Variants in ABI3BP observed in about 807,000 individuals in gnomAD.
The protein encoded by ABI3BP is ABI family member 3 binding protein, also known as target of Nesh-SH3.
Under a neutral mutation model 268.6 loss-of-function variants are expected in ABI3BP, and 216 were observed. That is an observed-to-expected ratio of 0.80 (90% CI 0.72 to 0.90). The LOEUF is 0.90. Among genes scored for constraint, ABI3BP ranks in the 40% least tolerant of loss-of-function variants. The probability of loss-of-function intolerance (pLI) is 0.00; values close to 1 mark genes in which losing one functional copy is unlikely to be tolerated. For synonymous variants in ABI3BP, 730 were observed against 730.0 expected (o/e 1.00, Z 0.00); for missense variants, 2,090 against 2,182.4 (o/e 0.96, Z 0.84).
intron 1 of ABI3BP, among the ~76,000 whole-genome samples, chr3:100,952,256 A>G (rs1230825510): frequency 5.3e-5 from 8 of 152,204 alleles, no homozygotes; most frequent in Admixed American, 1.3e-4. Context: ...GTTAATAACA[A>G]TTCAAGTATA....
At chr3:100,823,024 C>T (rs1333002056) in intron 37 of ABI3BP, among the ~76,000 whole-genome samples, 1 of 151,964 alleles carries the variant, frequency 6.6e-6, no homozygotes, top group Non-Finnish European at 1.5e-5. Context: ...GGCACATATT[C>T]TATAGAGCTC....
chr3:100,804,593 T>C (rs1290233371), intron 51 of ABI3BP, among the ~76,000 whole-genome samples, 199 bp downstream of exon 51: 2 of 152,146 alleles, frequency 1.3e-5, no homozygotes, highest in African/African-American at 2.4e-5. Context: ...TCTCTGCCTT[T>C]TGACTGTGAT....
At chr3:100,784,318 C>T (rs1263283875) in intron 57 of ABI3BP, among the ~76,000 whole-genome samples, 2 of 152,008 alleles carry the variant, frequency 1.3e-5, no homozygotes, top group African/African-American at 4.8e-5. Flanking sequence ...AAATTAAAAC[C>T]ACAATGAGAT....
intron 52 of ABI3BP, among the ~76,000 whole-genome samples, 172 bp downstream of exon 52, chr3:100,796,237 A>G (rs1189928774): frequency 2.0e-5 from 3 of 152,148 alleles, no homozygotes; most frequent in Non-Finnish European, 4.4e-5. Context: ...TTCACCAAGG[A>G]AAAATATTTC....
chr3:100,782,456 G>A (rs1247401857), intron 57 of ABI3BP, among the ~76,000 whole-genome samples: 1 of 152,076 alleles, frequency 6.6e-6, no homozygotes, highest in African/African-American at 2.4e-5. Context: ...AAATCAAATA[G>A]AGAAGCAGCT....
chr3:100,850,227 G>T, intron 16 of ABI3BP, 108 bp from the exon 17 acceptor site: 1 of 914,286 alleles, frequency 1.1e-6, no homozygotes, highest in Non-Finnish European at 1.7e-6. Context: ...ACGAGTACAT[G>T]ATTAAAGATG....
At chr3:100,866,482 T>C (rs1393558528) in intron 10 of ABI3BP, among the ~76,000 whole-genome samples, 2 of 152,320 alleles carry the variant, frequency 1.3e-5, no homozygotes, top group East Asian at 1.9e-4. Context: ...TCATAGATAT[T>C]AAGCTATGGA....
At chr3:100,870,399 C>T (rs1181623018) in intron 9 of ABI3BP, among the ~76,000 whole-genome samples, 2 of 151,950 alleles carry the variant, frequency 1.3e-5, no homozygotes, top group Non-Finnish European at 2.9e-5. Context: ...ATAGACATTT[C>T]TCCAAAGAAG....
At chr3:100,828,343 T>C (rs1407114980) in intron 34 of ABI3BP, 50 bp downstream of exon 34, 3 of 1,473,042 alleles carry the variant, frequency 2.0e-6, no homozygotes, top group Admixed American at 4.0e-5. Flanking sequence ...TGGAATAAGC[T>C]TGACAGTGAG....
chr3:100,871,926 T>A (rs2099113986), intron 9 of ABI3BP, among the ~76,000 whole-genome samples: 1 of 152,224 alleles, frequency 6.6e-6, no homozygotes, highest in South Asian at 2.1e-4. Context: ...AACCTCAAAC[T>A]CATGGGTTTC....
chr3:100,880,831 AT>A (rs1332754659), intron 6 of ABI3BP, among the ~76,000 whole-genome samples: 6 of 152,120 alleles, frequency 3.9e-5, no homozygotes, highest in African/African-American at 1.4e-4. Context: ...TAAGGATGTT[AT>A]TTTTTGTAGG....
rs1439996203 is a variant in ABI3BP, at chr3:100,817,461, T to C, written c.3123A>G (p.Arg1041=). The C allele has an allele frequency of 3.3e-6, 5 of 1,511,662 alleles. No homozygotes were observed. The Admixed American group carries it at 8.0e-5, about 24-fold the overall frequency. The allele number at this position is 1,511,662 out of a possible 1,614,324, so 93.6% of individuals were successfully genotyped here. A position where few individuals can be genotyped will look rare whatever the true frequency, so the allele number is the denominator to read the frequency against. Reference sequence around the variant, plus strand: ...CTAACGTTGTTTCTGGAAACTTGGTTCTAAAAGTGTCAGGTTCAAGGACTG... The same window carrying C: ...CTAACGTTGTTTCTGGAAACTTGGTCCTAAAAGTGTCAGGTTCAAGGACTG... ...VTTVLEPDTF[R]TKFPETTLAP... Residue 1041 remains arginine (R), a synonymous_variant, in exon 42 of 68, where the codon AGA becomes AGG. Transcript: ENST00000471714.
chr3:100,935,393 G>C (rs2065621581), intron 1 of ABI3BP, among the ~76,000 whole-genome samples: 1 of 152,136 alleles, frequency 6.6e-6, no homozygotes, highest in Admixed American at 6.6e-5. Flanking sequence ...TTTTAGTATA[G>C]TTTGAAGTCA....
At chr3:100,765,336 C>G (rs1032378857) in intron 63 of ABI3BP, among the ~76,000 whole-genome samples, 57 of 152,256 alleles carry the variant, frequency 3.7e-4, no homozygotes, top group Middle Eastern at 3.4e-3. Flanking sequence ...TGTCAAAACC[C>G]TATTTCATTT....
chr3:100,936,527 T>C (rs1332348738), intron 1 of ABI3BP, among the ~76,000 whole-genome samples: 1 of 152,146 alleles, frequency 6.6e-6, no homozygotes, highest in Non-Finnish European at 1.5e-5. Flanking sequence ...TTTTTTATTG[T>C]TTTGAAGAGT....
Position 100,774,490 on chromosome 3 carries a change from C to A in ABI3BP, c.4531+115G>T, listed in dbSNP as rs1010735344. 5.9e-5 allele frequency: 45 copies of A among 767,352 alleles called. 1 individual carries two copies. The Middle Eastern group carries it at 1.3e-3, about 23-fold the overall frequency. 47.5% of individuals were successfully genotyped at this position (767,352 alleles called of 1,614,324 possible). Reference sequence around the variant, plus strand: ...TGCAGACACCCATGAAAAATAAAACCTTATTATTATAATAGGCTACTAAGA... The same window carrying A: ...TGCAGACACCCATGAAAAATAAAACATTATTATTATAATAGGCTACTAAGA... On this transcript the variant is annotated intron_variant, in intron 61 of 67. Transcript: ENST00000471714.
intron 1 of ABI3BP, among the ~76,000 whole-genome samples, chr3:100,943,270 A>T (rs530359940): frequency 1.3e-5 from 2 of 152,222 alleles, no homozygotes; most frequent in East Asian, 3.9e-4. Flanking sequence ...CCGTCTCTCC[A>T]TCCCTCTGTC....
At chr3:100,823,357 A>G (rs940151195) in intron 37 of ABI3BP, 101 bp downstream of exon 37, 51 of 976,064 alleles carry the variant, frequency 5.2e-5, no homozygotes, top group Non-Finnish European at 7.2e-5. Context: ...GAAGAGTTGA[A>G]TGGCCATCAA....
intron 62 of ABI3BP, among the ~76,000 whole-genome samples, chr3:100,768,023 C>G (rs1208449479): frequency 3.3e-5 from 5 of 151,924 alleles, no homozygotes; most frequent in Non-Finnish European, 7.4e-5. Context: ...TAATATTAAA[C>G]CTGCCTTTTA....
Sources: gnomAD v4.1 joint callset for allele counts (sites outside exome capture counted in the v4.1 genomes callset) on GRCh38, gnomAD v4.1.1 for gene constraint, MANE v1.5 for transcripts, NCBI Gene and HGNC (gene_info 2026-07-23, HGNC 2026-07-21) for gene names.